FRMPD4: variants seen among roughly 807,000 people sequenced by gnomAD.
FRMPD4 encodes the protein FERM and PDZ domain containing 4, also known as FERM and PDZ domain-containing protein 4.
In FRMPD4, 22 loss-of-function variants were observed where a neutral mutation model predicts 94.1. That is an observed-to-expected ratio of 0.23 (90% CI 0.17 to 0.33). The LOEUF is 0.33. FRMPD4 is among the 10% of genes least tolerant of loss of function. FRMPD4 has a pLI of 1.00. For synonymous variants in FRMPD4, 631 were observed against 548.6 expected (o/e 1.15, Z -2.10); for missense variants, 1,111 against 1,339.9 (o/e 0.83, Z 2.67).
intron 1 of FRMPD4, among the ~76,000 whole-genome samples, chrX:12,245,512 CTTT>C (rs566550884): frequency 0.092 from 6,181 of 67,264 alleles, 285 homozygotes; most frequent in East Asian, 0.25. Context: ...CTTATGTCCT[CTTT>C]TTTTTTTTTT....
chrX:12,523,464 A>G (rs2058186189), intron 2 of FRMPD4, among the ~76,000 whole-genome samples: 1 of 111,671 alleles, frequency 9.0e-6, no homozygotes, highest in African/African-American at 3.3e-5. Context: ...CCTCTAAATA[A>G]TGTTAAGGTG....
At chrX:12,458,993 A>G (rs12856418) in intron 1 of FRMPD4, among the ~76,000 whole-genome samples, 5,528 of 112,001 alleles carry the variant, frequency 0.049, 115 homozygotes, top group African/African-American at 0.072. Flanking sequence ...ACAAAACAAT[A>G]TAACTCCATT....
intron 1 of FRMPD4, among the ~76,000 whole-genome samples, chrX:12,464,675 C>T (rs983896588): frequency 9.8e-5 from 11 of 111,867 alleles, no homozygotes; most frequent in Non-Finnish European, 2.1e-4. Flanking sequence ...ACGGCAAGGG[C>T]AAGTTATATG....
intron 1 of FRMPD4, among the ~76,000 whole-genome samples, chrX:12,311,141 C>T (rs1691747387): frequency 1.8e-5 from 2 of 111,434 alleles, no homozygotes; most frequent in Non-Finnish European, 3.8e-5. Context: ...GCTGGGCTTG[C>T]CAAGGCAGGG....
At chrX:12,216,667 G>A (rs1416653380) in intron 1 of FRMPD4, among the ~76,000 whole-genome samples, 5 of 111,417 alleles carry the variant, frequency 4.5e-5, no homozygotes, top group Non-Finnish European at 9.4e-5. Context: ...TCACTGTCCT[G>A]GGCTAAAAAA....
intron 1 of FRMPD4, among the ~76,000 whole-genome samples, chrX:12,424,202 A>G (rs2056920340): frequency 8.9e-6 from 1 of 112,041 alleles, no homozygotes; most frequent in African/African-American, 3.2e-5. Context: ...GACCCTTGTC[A>G]TTTCTTTTCA....
intron 4 of FRMPD4, among the ~76,000 whole-genome samples, chrX:12,652,771 G>A (rs1280828560): frequency 9.0e-6 from 1 of 111,635 alleles, no homozygotes; most frequent in Non-Finnish European, 1.9e-5. Context: ...CTCCTCCTTG[G>A]ACCAGAAGGC....
chrX:12,218,716 A>C (rs1462978891), intron 1 of FRMPD4, among the ~76,000 whole-genome samples: 3 of 111,990 alleles, frequency 2.7e-5, no homozygotes, highest in Non-Finnish European at 5.6e-5. Flanking sequence ...TAAGAACCTA[A>C]GAGATCAACT....
intron 3 of FRMPD4, among the ~76,000 whole-genome samples, chrX:11,999,874 T>C (rs749838137): frequency 9.3e-6 from 1 of 107,901 alleles, no homozygotes; most frequent in East Asian, 2.8e-4. Context: ...GATGGCTCTG[T>C]CTGTCTTTGG....
At chrX:11,967,756 GTT>G (rs11431796) in intron 3 of FRMPD4, among the ~76,000 whole-genome samples, 6 of 65,556 alleles carry the variant, frequency 9.2e-5, no homozygotes, top group African/African-American at 2.7e-4. Context: ...GTGTGTGTGT[GTT>G]TTTTTTTTTT....
At chrX:12,056,446 C>T (rs1445136070) in intron 3 of FRMPD4, among the ~76,000 whole-genome samples, 1 of 111,297 alleles carries the variant, frequency 9.0e-6, no homozygotes, top group Non-Finnish European at 1.9e-5. Context: ...TACACAGGAA[C>T]GTTGGGGGAG....
chrX:12,509,075 C>A (rs1156234129), intron 2 of FRMPD4, among the ~76,000 whole-genome samples: 1 of 104,080 alleles, frequency 9.6e-6, no homozygotes, highest in Non-Finnish European at 2.0e-5. Context: ...AATCAAAAAA[C>A]CAAAAAATAG....
chrX:12,085,895 T>G (rs992476521), intron 3 of FRMPD4, among the ~76,000 whole-genome samples: 3 of 112,214 alleles, frequency 2.7e-5, no homozygotes, highest in African/African-American at 9.7e-5. Flanking sequence ...ATTGGACAGA[T>G]ACATGCTGGC....
intron 2 of FRMPD4, among the ~76,000 whole-genome samples, chrX:12,584,790 C>A (rs1229912634): frequency 2.7e-5 from 3 of 112,154 alleles, no homozygotes; most frequent in Non-Finnish European, 5.6e-5. Flanking sequence ...TTTTAGTATA[C>A]CCTATATTGC....
intron 1 of FRMPD4, among the ~76,000 whole-genome samples, chrX:12,377,146 G>A (rs935410340): frequency 3.6e-5 from 4 of 112,195 alleles, no homozygotes; most frequent in African/African-American, 6.5e-5. Context: ...ATCTAAACAC[G>A]AAAGCACACA....
intron 2 of FRMPD4, among the ~76,000 whole-genome samples, chrX:12,506,125 A>G (rs1353407457): frequency 9.0e-6 from 1 of 111,718 alleles, no homozygotes; most frequent in Non-Finnish European, 1.9e-5. Context: ...GCCGCTGAGC[A>G]CATGGGGCTG....
intron 1 of FRMPD4, among the ~76,000 whole-genome samples, chrX:12,457,944 A>C (rs1174095355): frequency 8.9e-6 from 1 of 111,809 alleles, no homozygotes; most frequent in Non-Finnish European, 1.9e-5. Context: ...TGGCTAATGC[A>C]TAGGAACTTG....
At chrX:12,536,756 A>G (rs2058343341) in intron 2 of FRMPD4, among the ~76,000 whole-genome samples, 1 of 111,541 alleles carries the variant, frequency 9.0e-6, no homozygotes, top group Non-Finnish European at 1.9e-5. Flanking sequence ...CTAAAAAATC[A>G]TTGTGCCCTC....
chrX:12,021,403 A>T (rs1438696650), intron 3 of FRMPD4, among the ~76,000 whole-genome samples: 1 of 111,908 alleles, frequency 8.9e-6, no homozygotes, highest in Non-Finnish European at 1.9e-5. Context: ...CATGGCTGAC[A>T]AATCGAATTG....
Sources: gnomAD v4.1 joint callset for allele counts (sites outside exome capture counted in the v4.1 genomes callset) on GRCh38, gnomAD v4.1.1 for gene constraint, MANE v1.5 for transcripts, NCBI Gene and HGNC (gene_info 2026-07-23, HGNC 2026-07-21) for gene names.